NXF3: variants seen among roughly 807,000 people sequenced by gnomAD.
The protein encoded by NXF3 is TAP-like protein 3.
A neutral mutation model predicts 48.4 loss-of-function variants in NXF3; 34 were observed. That is an observed-to-expected ratio of 0.70 (90% CI 0.53 to 0.93). The LOEUF is 0.93. NXF3 is among the 40% of genes least tolerant of loss of function. The pLI is 0.00. For missense variants in NXF3, 359 were observed against 406.1 expected (o/e 0.88, Z 1.00); for synonymous variants, 132 against 145.7 (o/e 0.91, Z 0.68).
chrX:103,083,985 G>A, intron 3 of NXF3, among the ~76,000 whole-genome samples: 1 of 111,153 alleles, frequency 9.0e-6, no homozygotes, highest in Non-Finnish European at 1.9e-5. Flanking sequence ...TCCCACAAGA[G>A]CCTACCTAAG....
chrX:103,088,094 T>G, intron 1 of NXF3: 1 of 925,635 alleles, frequency 1.1e-6, no homozygotes, highest in East Asian at 3.2e-5. Context: ...TGTGAAAATG[T>G]TTTGAATCAC....
At position 103,088,729 on chromosome X, in the gene NXF3, G is replaced by A. The variant is rs1289956818; in HGVS notation, c.29-3846C>T. The A allele has an allele frequency of 4.7e-6, 5 of 1,062,363 alleles. No homozygotes were observed. The African/African-American group carries it at 5.6e-5, about 12-fold the overall frequency. 87.6% of individuals were successfully genotyped at this position (1,062,363 alleles called of 1,213,427 possible). A position where few individuals can be genotyped will look rare whatever the true frequency, so the allele number is the denominator to read the frequency against. On this transcript the variant is annotated intron_variant, in intron 1 of 19. Transcript: ENST00000395065. ...GGCCTTTTTGCTGTTAATATTTGTA[G>A]GAAATCTTTTAGACAGTCAGCTCAC... is the stretch of plus-strand genomic sequence containing the variant.
chrX:103,092,841 G>C (rs1922311778), intron 1 of NXF3, among the ~76,000 whole-genome samples, 155 bp downstream of exon 1: 1 of 112,566 alleles, frequency 8.9e-6, no homozygotes, highest in Admixed American at 9.3e-5. Context: ...CCCTGAGAAG[G>C]CCACAAGACT....
intron 1 of NXF3, among the ~76,000 whole-genome samples, chrX:103,092,182 T>A (rs1393851262): frequency 9.1e-6 from 1 of 110,387 alleles, no homozygotes; most frequent in East Asian, 2.8e-4. Context: ...CATAGTTTGA[T>A]TGGCTGGCTA....
chrX:103,077,736 C>T lies in NXF3; in HGVS notation c.1462G>A (p.Val488Met), dbSNP rs1197593015. ...TCCCGCACAAAGAGCTTGTCATTCA[C>T]GATGCACAGACTGGAGGAAAAATGG... ...TPGSSSSLCIVNDKLFVRDTS... is the reference protein window; with the variant it reads ...TPGSSSSLCIMNDKLFVRDTS... The change falls in exon 18 of 20, where the codon GTG (valine) becomes ATG (methionine). Residue 488 changes from valine to methionine, a missense_variant. Val to Met is a conservative substitution (Grantham distance 21). Transcript: ENST00000395065. 3.3e-6 allele frequency: 4 copies of T among 1,210,513 alleles called. No individual in the cohort carries two copies. The highest frequency in any genetic ancestry group is 3.5e-5 in the South Asian group (2 of 56,917).
At chrX:103,080,891 G>T (rs1171256251) in intron 9 of NXF3, 2 of 362,838 alleles carry the variant, frequency 5.5e-6, no homozygotes, top group Non-Finnish European at 9.7e-6. Context: ...CTCACTGGAT[G>T]TCCGTCAGTC....
At chrX:103,088,259 A>C (rs1922200714) in intron 1 of NXF3, 1 of 619,907 alleles carries the variant, frequency 1.6e-6, no homozygotes, top group Admixed American at 3.2e-5. Context: ...TTTTGATCCT[A>C]GAAAAAAGTA....
intron 1 of NXF3, chrX:103,088,741 G>T (rs1922211406): frequency 2.8e-6 from 3 of 1,076,480 alleles, no homozygotes; most frequent in East Asian, 3.0e-5. Flanking sequence ...AAATCTTTTA[G>T]ACAGTCAGCT....
At position 103,079,798 on chromosome X, in the gene NXF3, G is replaced by C. The variant is rs374880809; in HGVS notation, c.1125C>G (p.Ser375=). The change falls in exon 13 of 20, where the codon TCC becomes TCG. Residue 375 remains serine, a synonymous_variant. Transcript: ENST00000395065. ...LSAYHDEACF[S]LSIPFNPEDS... Reference sequence around the variant, plus strand: ...CCTCAGGATTGAAGGGAATGCTCAGGGAGAAGCAGGCCTCATCGTGGTAAG... The same window carrying C: ...CCTCAGGATTGAAGGGAATGCTCAGCGAGAAGCAGGCCTCATCGTGGTAAG... The C allele has an allele frequency of 3.6e-5, 43 of 1,209,074 alleles. No individual in the cohort carries two copies. In the African/African-American group the frequency reaches 7.0e-4, roughly 20 times the overall value.
chrX:103,080,890 T>A, intron 9 of NXF3: 1 of 365,749 alleles, frequency 2.7e-6, no homozygotes, highest in East Asian at 4.7e-5. Flanking sequence ...CCTCACTGGA[T>A]GTCCGTCAGT....
chrX:103,087,471 T>C (rs1279033619), intron 1 of NXF3: 5 of 1,047,309 alleles, frequency 4.8e-6, no homozygotes, highest in Non-Finnish European at 5.4e-6. Context: ...ACTTAAAAAA[T>C]CTGAAGACAT....
chrX:103,090,609 C>T, intron 1 of NXF3, among the ~76,000 whole-genome samples: 1 of 112,000 alleles, frequency 8.9e-6, no homozygotes, highest in Non-Finnish European at 1.9e-5. Context: ...AGTGGAAAAT[C>T]CTCTATTGAG....
At chrX:103,084,581 G>T in intron 2 of NXF3, 86 bp from the exon 3 acceptor site, 1 of 1,136,847 alleles carries the variant, frequency 8.8e-7, no homozygotes, top group Non-Finnish European at 1.2e-6. Context: ...GGGCTACAAT[G>T]AAGTTAAATC....
At chrX:103,091,838 A>G (rs180680171) in intron 1 of NXF3, among the ~76,000 whole-genome samples, 1 of 109,204 alleles carries the variant, frequency 9.2e-6, no homozygotes, top group Admixed American at 9.8e-5. Flanking sequence ...ACAAAAAATT[A>G]GCCAGGCATG....
At chrX:103,082,981 T>C (rs761218888) in intron 7 of NXF3, 23 bp downstream of exon 7, 3 of 1,194,219 alleles carry the variant, frequency 2.5e-6, no homozygotes, top group Admixed American at 2.2e-5. Context: ...TCATCTACCA[T>C]AGAATTACTT....
chrX:103,080,475 G>T, intron 10 of NXF3, 101 bp downstream of exon 10: 1 of 882,594 alleles, frequency 1.1e-6, no homozygotes, highest in Non-Finnish European at 1.7e-6. Flanking sequence ...TTAAGGGTTA[G>T]CTCCAAAAAT....
chrX:103,088,115 C>T, intron 1 of NXF3: 1 of 926,737 alleles, frequency 1.1e-6, no homozygotes, highest in Non-Finnish European at 1.5e-6. Context: ...AGCAGATTCT[C>T]AATGAACACA....
intron 1 of NXF3, among the ~76,000 whole-genome samples, chrX:103,092,372 A>AG (rs1389591173): frequency 8.9e-6 from 1 of 111,871 alleles, no homozygotes; most frequent in East Asian, 2.8e-4. Context: ...ATACAAAAAA[A>AG]AAGAAATTCT....
chrX:103,076,279 C>G lies in NXF3; in HGVS notation c.*11G>C, dbSNP rs765260979. 5.0e-6 allele frequency: 6 copies of G among 1,211,219 alleles called. No homozygotes were observed. The South Asian group carries it at 8.8e-5, about 18-fold the overall frequency. ...AGAACATGAGGAGCTCTGACGTAGTCACACTGGTTGTTACGAAGGCAGCTG... is the reference window on the plus strand; with the variant it reads ...AGAACATGAGGAGCTCTGACGTAGTGACACTGGTTGTTACGAAGGCAGCTG... On this transcript the variant is annotated 3_prime_UTR_variant, in exon 19 of 20. Transcript: ENST00000395065.
Sources: allele counts gnomAD v4.1 joint callset (sites outside exome capture counted in the v4.1 genomes callset), GRCh38; gene constraint gnomAD v4.1.1; transcripts MANE v1.5; gene names NCBI Gene and HGNC (gene_info 2026-07-23, HGNC 2026-07-21).